Variants in NKAIN3 observed in about 807,000 individuals in gnomAD.
NKAIN3 encodes sodium/potassium transporting ATPase interacting 3, also known as sodium/potassium-transporting ATPase subunit beta-1-interacting protein 3.
Under a neutral mutation model 30.2 loss-of-function variants are expected in NKAIN3, and 25 were observed. The ratio of observed to expected loss-of-function variants is 0.83; its 90% CI spans 0.60 to 1.16. The LOEUF is 1.16. NKAIN3 is among the 50% of genes most tolerant of loss of function. NKAIN3 has a pLI of 0.00. For missense variants in NKAIN3, 225 were observed against 254.1 expected, an observed-to-expected ratio of 0.89 and a Z score of 0.78; for synonymous variants, 91 against 89.6, an observed-to-expected ratio of 1.02 and a Z score of -0.09.
chr8:62,623,938 C>T (rs62509505), intron 3 of NKAIN3, among the ~76,000 whole-genome samples: 40,895 of 151,882 alleles, frequency 0.27, 6,180 homozygotes, highest in African/African-American at 0.41. Context: ...ATATTCTAAA[C>T]GAAGGGTGGA....
At chr8:62,782,639 G>T (rs1020598910) in intron 4 of NKAIN3, among the ~76,000 whole-genome samples, 3 of 151,584 alleles carry the variant, frequency 2.0e-5, no homozygotes, top group African/African-American at 7.3e-5. Context: ...GATGGAATTG[G>T]AGGTCATTAA....
intron 1 of NKAIN3, among the ~76,000 whole-genome samples, chr8:62,484,346 GTATC>G (rs1166009623): frequency 6.6e-6 from 1 of 152,194 alleles, no homozygotes; most frequent in Non-Finnish European, 1.5e-5. Flanking sequence ...CACTAGGTAA[GTATC>G]TACTCATTTT....
intron 6 of NKAIN3, 22 bp downstream of exon 6, chr8:62,953,994 T>C (rs1236323400): frequency 2.3e-6 from 2 of 873,136 alleles, no homozygotes; most frequent in Middle Eastern, 5.9e-4. Flanking sequence ...TGTGATGATA[T>C]GGAAAATATT....
chr8:62,939,308 C>T (rs550960774), intron 5 of NKAIN3, among the ~76,000 whole-genome samples: 35 of 152,152 alleles, frequency 2.3e-4, no homozygotes, highest in Non-Finnish European at 4.1e-4. Context: ...GAGGAGAATT[C>T]TAAAAGTTTG....
At chr8:62,721,674 T>G (rs1323421388) in intron 3 of NKAIN3, among the ~76,000 whole-genome samples, 2 of 152,204 alleles carry the variant, frequency 1.3e-5, no homozygotes, top group Non-Finnish European at 2.9e-5. Flanking sequence ...AAAATATGCA[T>G]TCATTCTTAG....
At chr8:62,548,122 G>A (rs1809075416) in intron 1 of NKAIN3, among the ~76,000 whole-genome samples, 1 of 152,064 alleles carries the variant, frequency 6.6e-6, no homozygotes, top group Admixed American at 6.6e-5. Flanking sequence ...TGCCCTCCTG[G>A]ACTCCTACCT....
intron 4 of NKAIN3, among the ~76,000 whole-genome samples, chr8:62,804,401 A>G (rs963753778): frequency 3.9e-5 from 6 of 152,186 alleles, no homozygotes; most frequent in Non-Finnish European, 5.9e-5. Context: ...AAAATCCTCA[A>G]TAAAATACTG....
chr8:62,461,499 G>C (rs1805999648), intron 1 of NKAIN3, among the ~76,000 whole-genome samples: 1 of 152,210 alleles, frequency 6.6e-6, no homozygotes, highest in South Asian at 2.1e-4. Flanking sequence ...GAGAATCCTA[G>C]ATGTTGAACT....
intron 1 of NKAIN3, among the ~76,000 whole-genome samples, chr8:62,362,134 A>C (rs1816584543): frequency 6.6e-6 from 1 of 152,200 alleles, no homozygotes; most frequent in African/African-American, 2.4e-5. Flanking sequence ...AAAAACATAA[A>C]TATTGAATGA....
chr8:62,372,416 A>T (rs1245851878), intron 1 of NKAIN3, among the ~76,000 whole-genome samples: 1 of 151,912 alleles, frequency 6.6e-6, no homozygotes, highest in East Asian at 1.9e-4. Context: ...TTTGGTACTG[A>T]TATATTTCCT....
intron 1 of NKAIN3, among the ~76,000 whole-genome samples, chr8:62,524,647 T>C (rs764855094): frequency 1.3e-5 from 2 of 152,196 alleles, no homozygotes; most frequent in Non-Finnish European, 2.9e-5. Context: ...ATTTGAAATC[T>C]CTAGGCACAC....
In NKAIN3 at chr8:62,308,506, T is replaced by G. The variant is rs964372910; in HGVS notation, c.54+59379T>G. Among the ~76,000 whole-genome samples, 8 of 150,760 alleles carry G rather than the reference T, an allele frequency of 5.3e-5. No homozygotes were observed. The East Asian group carries it at 1.5e-3, about 29-fold the overall frequency. On this transcript the variant is annotated intron_variant, in intron 1 of 6. Transcript: ENST00000623646. ...GATCAAGAGCTGTATTTTAGAAGAT[T>G]ATGTTACCAAAAGCAAGTGTGGATA... is the stretch of plus-strand genomic sequence containing the variant.
chr8:62,439,880 T>G (rs1805274119), intron 1 of NKAIN3, among the ~76,000 whole-genome samples: 1 of 152,312 alleles, frequency 6.6e-6, no homozygotes, highest in Middle Eastern at 3.4e-3. Context: ...TGCATTTAAA[T>G]AAGTATTACT....
intron 1 of NKAIN3, among the ~76,000 whole-genome samples, chr8:62,514,174 C>G (rs1476626611): frequency 6.6e-6 from 1 of 152,070 alleles, no homozygotes; most frequent in Non-Finnish European, 1.5e-5. Context: ...CAACTAAAGG[C>G]ATTATGTCTT....
intron 4 of NKAIN3, among the ~76,000 whole-genome samples, chr8:62,889,324 C>G (rs1821233868): frequency 6.6e-6 from 1 of 151,958 alleles, no homozygotes; most frequent in Non-Finnish European, 1.5e-5. Context: ...GAGCCGAGAT[C>G]ATGCCATTGC....
At chr8:62,863,112 C>G (rs1010280271) in intron 4 of NKAIN3, 17 of 1,359,566 alleles carry the variant, frequency 1.3e-5, no homozygotes, top group South Asian at 4.7e-5. Flanking sequence ...CCCCATCCTG[C>G]TCATTGGAAG....
chr8:62,869,396 A>G (rs1238262397), intron 4 of NKAIN3, among the ~76,000 whole-genome samples: 1 of 151,704 alleles, frequency 6.6e-6, no homozygotes, highest in South Asian at 2.1e-4. Context: ...TCATTGTTCA[A>G]CTCTCACTTA....
At chr8:62,801,643 A>G (rs1014319022) in intron 4 of NKAIN3, among the ~76,000 whole-genome samples, 20 of 152,214 alleles carry the variant, frequency 1.3e-4, no homozygotes, top group Non-Finnish European at 2.5e-4. Context: ...AAAGACCAAA[A>G]GTAGATAAAA....
At chr8:62,563,147 C>T (rs1029179334) in intron 1 of NKAIN3, among the ~76,000 whole-genome samples, 1 of 152,066 alleles carries the variant, frequency 6.6e-6, no homozygotes, top group South Asian at 2.1e-4. Context: ...GCAAGTTGGG[C>T]TTTTGCTAAA....
Sources: gnomAD v4.1 joint callset for allele counts (sites outside exome capture counted in the v4.1 genomes callset) on GRCh38, gnomAD v4.1.1 for gene constraint, MANE v1.5 for transcripts, NCBI Gene and HGNC (gene_info 2026-07-23, HGNC 2026-07-21) for gene names.